Variants in INTS7 observed in about 807,000 individuals in gnomAD.
INTS7 encodes chromosome 1 open reading frame 73.
In INTS7, 46 loss-of-function variants were observed where a neutral mutation model predicts 109.2. That is an observed-to-expected ratio of 0.42 (90% CI 0.33 to 0.54). The LOEUF (loss-of-function observed/expected upper bound fraction) is 0.54. Among genes scored for constraint, INTS7 ranks in the 20% least tolerant of loss-of-function variants. INTS7 has a pLI of 0.07. For synonymous variants in INTS7, 412 were observed against 402.9 expected (o/e 1.02, Z -0.27); for missense variants, 929 against 1,132.4 (o/e 0.82, Z 2.58).
intron 7 of INTS7, among the ~76,000 whole-genome samples, chr1:212,004,933 C>A (rs1158143509): frequency 6.6e-6 from 1 of 152,162 alleles, no homozygotes; most frequent in Admixed American, 6.6e-5. Context: ...CCCTCATACA[C>A]AGCAGGAATG....
Position 211,987,921 on chromosome 1 carries a change from G to A in INTS7, c.962C>T (p.Thr321Ile). 1 of 1,609,358 alleles carries A rather than the reference G, an allele frequency of 6.2e-7. No homozygotes were observed. The highest frequency in any genetic ancestry group is 8.5e-7 in the Non-Finnish European group (1 of 1,175,928). The change falls in exon 8 of 20, where the codon ACC becomes ATC. Residue 321 changes from threonine to isoleucine, a missense_variant. Physicochemically the swap from Thr to Ile is moderately conservative, Grantham distance 89. Around this residue, in one of 2 missense-constraint regions of INTS7, gnomAD observed 787 missense variants for 901.1 expected, o/e 0.87. Transcript: ENST00000366994. The part of the protein sequence containing the change: ...MLSVLSTLSG[T>I]IAIKHYFSIV... ...ACTGAAGTAATGTTTGATGGCGATGGTCCCTGATAGTGTGGAAAGGACAGA... is the reference window on the plus strand; with the variant it reads ...ACTGAAGTAATGTTTGATGGCGATGATCCCTGATAGTGTGGAAAGGACAGA...
chr1:212,017,067 G>C, intron 3 of INTS7, 44 bp from the exon 4 acceptor site: 1 of 1,512,288 alleles, frequency 6.6e-7, no homozygotes, highest in Non-Finnish European at 8.8e-7. Context: ...ATAAAATAAA[G>C]TCAAGGTCAG....
At chr1:211,968,368 AT>A (rs201355247) in intron 14 of INTS7, 144 bp downstream of exon 14, 2 of 659,384 alleles carry the variant, frequency 3.0e-6, no homozygotes, top group Non-Finnish European at 2.5e-6. Flanking sequence ...ACATCAGCCT[AT>A]TTTTTAGCCA....
At position 211,941,693 on chromosome 1, in the gene INTS7, A is replaced by G. The variant is rs986470806; in HGVS notation, c.*131T>C. ...TTAAGAAAACAAAATTTTTTCCAGA[A>G]TATTACATTACAAAAATCAATGAAT... On this transcript the variant is annotated 3_prime_UTR_variant, in exon 20 of 20. Transcript: ENST00000366994. 1 of 1,385,446 alleles carries G rather than the reference A, an allele frequency of 7.2e-7. No individual in the cohort carries two copies. The highest frequency in any genetic ancestry group is 9.7e-7 in the Non-Finnish European group (1 of 1,031,564). The allele number at this position is 1,385,446 out of a possible 1,614,324, so 85.8% of individuals were successfully genotyped here.
intron 13 of INTS7, 31 bp downstream of exon 13, chr1:211,975,135 T>C (rs1664362749): frequency 2.7e-6 from 4 of 1,467,056 alleles, no homozygotes; most frequent in African/African-American, 1.4e-5. Flanking sequence ...ACATAAATCA[T>C]CACCACCAAA....
At chr1:211,986,868 G>T (rs1664915737) in intron 8 of INTS7, among the ~76,000 whole-genome samples, 1 of 152,062 alleles carries the variant, frequency 6.6e-6, no homozygotes, top group South Asian at 2.1e-4. Flanking sequence ...ACGTGGCAGG[G>T]AATTCCCTAC....
chr1:212,034,470 A>C (rs1164936887), intron 1 of INTS7, among the ~76,000 whole-genome samples: 1 of 152,192 alleles, frequency 6.6e-6, no homozygotes, highest in Non-Finnish European at 1.5e-5. Flanking sequence ...GCTACGATTA[A>C]TCAAGATTTA....
chr1:211,999,317 A>G (rs556747709), intron 7 of INTS7, among the ~76,000 whole-genome samples: 2 of 152,332 alleles, frequency 1.3e-5, no homozygotes, highest in East Asian at 3.9e-4. Flanking sequence ...ATGCAACAAC[A>G]TGGATAAATA....
At chr1:211,962,257 G>T (rs949109842) in intron 16 of INTS7, among the ~76,000 whole-genome samples, 5 of 33,428 alleles carry the variant, frequency 1.5e-4, no homozygotes, top group African/African-American at 5.5e-4. Flanking sequence ...AACCAACAAA[G>T]ATTAAAAAAA....
At chr1:211,953,558 A>C (rs1571844095) in intron 16 of INTS7, among the ~76,000 whole-genome samples, 5 of 76,914 alleles carry the variant, frequency 6.5e-5, no homozygotes, top group Admixed American at 1.8e-4. Context: ...CCCTCCCCCC[A>C]CCCCACAACA....
In INTS7 at chr1:211,978,289, T is replaced by C; in HGVS notation, c.1453A>G (p.Lys485Glu). The change falls in exon 11 of 20, where the codon AAG (lysine) becomes GAG (glutamate). Residue 485 changes from lysine (K) to glutamate (E), a missense_variant. Lys to Glu is a moderately conservative substitution (Grantham distance 56, BLOSUM62 1). This residue lies in a region of INTS7 where 787 missense variants were observed against 901.1 expected (regional missense o/e 0.87). Transcript: ENST00000366994. The part of the protein sequence containing the change: ...YKVIGRSATD[K>E]QQELLVSLAT... ...CTTTTTACCAGAAGTTCTTGTTGCT[T>C]GTCTGTGGCTGATCGTCCAATCACC... The C allele has an allele frequency of 6.2e-7, 1 of 1,614,130 alleles. No individual in the cohort carries two copies. The highest frequency in any genetic ancestry group is 8.5e-7 in the Non-Finnish European group (1 of 1,179,984).
chr1:212,001,433 C>T (rs1010981567), intron 7 of INTS7, among the ~76,000 whole-genome samples: 1 of 151,678 alleles, frequency 6.6e-6, no homozygotes, highest in Admixed American at 6.6e-5. Flanking sequence ...AAATCCAGAT[C>T]GAAAGTATTT....
At chr1:212,035,229 C>G in intron 1 of INTS7, 115 bp downstream of exon 1, 1 of 737,640 alleles carries the variant, frequency 1.4e-6, no homozygotes, top group South Asian at 1.6e-5. Context: ...AGGCGCTCCC[C>G]GCCCAGCGAA....
Position 211,944,840 on chromosome 1 carries a change from A to G in INTS7, c.2545T>C (p.Ser849Pro), listed in dbSNP as rs1662783938. 1 of 1,613,984 alleles carries G rather than the reference A, an allele frequency of 6.2e-7. No homozygotes were observed. The highest frequency in any genetic ancestry group is 1.1e-5 in the South Asian group (1 of 91,086). ...SKPGLFRKIQ[S>P]VCLNVSSTLQ... is the part of the protein sequence containing the mutation. ...GTGGAAGAAACATTCAGACAGACAG[A>G]CTGAATTTTGCGGAAGAGTCCTGGT... Residue 849 changes from serine to proline, a missense_variant, in exon 19 of 20, where the codon TCT becomes CCT. Physicochemically the swap from Ser to Pro is moderately conservative, Grantham distance 74 (BLOSUM62 -1). This residue lies in a region of INTS7 where 787 missense variants were observed against 901.1 expected (regional missense o/e 0.87). Transcript: ENST00000366994.
intron 7 of INTS7, among the ~76,000 whole-genome samples, chr1:211,991,076 A>G (rs1208244529): frequency 6.6e-6 from 1 of 152,208 alleles, no homozygotes; most frequent in Non-Finnish European, 1.5e-5. Context: ...AGACATTTTA[A>G]AAGAGATTAC....
chr1:211,969,298 G>A (rs3010006), intron 13 of INTS7, among the ~76,000 whole-genome samples: 81,579 of 149,738 alleles, frequency 0.54, 22,503 homozygotes, highest in Middle Eastern at 0.59. Context: ...AAAAAACAAA[G>A]AAAAAAGAAG....
At chr1:212,015,240 G>A (rs1390556326) in intron 4 of INTS7, among the ~76,000 whole-genome samples, 2 of 152,300 alleles carry the variant, frequency 1.3e-5, no homozygotes, top group East Asian at 3.9e-4. Context: ...AGGCCATGAC[G>A]ACGATGGGGG....
intron 7 of INTS7, among the ~76,000 whole-genome samples, chr1:211,991,838 G>A (rs1216502174): frequency 6.6e-6 from 1 of 152,210 alleles, no homozygotes; most frequent in Non-Finnish European, 1.5e-5. Context: ...AGAATACAGA[G>A]AAGGTGCAGG....
intron 1 of INTS7, among the ~76,000 whole-genome samples, chr1:212,028,389 A>C (rs12126761): frequency 0.069 from 10,459 of 152,314 alleles, 453 homozygotes; most frequent in Admixed American, 0.14. Context: ...GTCTGACCAA[A>C]GAAACATAGT....
Sources: allele counts gnomAD v4.1 joint callset (sites outside exome capture counted in the v4.1 genomes callset), GRCh38; gene constraint gnomAD v4.1.1; regional missense constraint gnomAD v4.1.1; transcripts MANE v1.5; gene names NCBI Gene and HGNC (gene_info 2026-07-23, HGNC 2026-07-21).